TAB2: variants seen among roughly 807,000 people sequenced by gnomAD.
The protein encoded by TAB2 is TGF-beta-activated kinase 1 and MAP3K7-binding protein 2.
TAB2 carries 3 observed loss-of-function variants against 65.0 expected under a neutral mutation model. The ratio of observed to expected loss-of-function variants is 0.05; its 90% CI spans 0.02 to 0.12. The LOEUF (loss-of-function observed/expected upper bound fraction) is 0.12, where lower values mean the gene tolerates loss of function less well. Ranked by LOEUF, TAB2 falls within the 10% of genes least tolerant of loss-of-function variation. The pLI is 1.00. For synonymous variants in TAB2, 298 were observed against 285.1 expected (o/e 1.05, Z -0.46); for missense variants, 623 against 840.3 (o/e 0.74, Z 3.20).
Position 149,379,481 on chromosome 6 carries a change from A to G in TAB2, c.1566A>G (p.Lys522=), listed in dbSNP as rs1049922572. Residue 522 remains lysine (K), a synonymous_variant, in exon 3 of 7, where the codon AAA becomes AAG. Transcript: ENST00000637181. The part of the protein sequence containing the change: ...AHVDRISETR[K]LSMGSDDAAY... ...TGGATAGAATAAGTGAAACACGGAA[A>G]CTGAGTATGGGATCTGATGATGCTG... is the stretch of plus-strand genomic sequence containing the variant. 6.2e-7 allele frequency: 1 copy of G among 1,614,160 alleles called. No individual in the cohort carries two copies. The highest frequency in any genetic ancestry group is 8.5e-7 in the Non-Finnish European group (1 of 1,180,016).
chr6:149,269,694 G>A (rs1778325038), intron 1 of TAB2, among the ~76,000 whole-genome samples: 1 of 152,198 alleles, frequency 6.6e-6, no homozygotes, highest in African/African-American at 2.4e-5. Context: ...TTCATAAGGT[G>A]AAATCATACA....
chr6:149,384,531 T>C (rs770743330), intron 3 of TAB2, among the ~76,000 whole-genome samples: 2 of 152,096 alleles, frequency 1.3e-5, no homozygotes, highest in Non-Finnish European at 2.9e-5. Context: ...CAAATTAAGG[T>C]TGGAGAGAAA....
chr6:149,274,366 T>G (rs1378914803), intron 1 of TAB2, among the ~76,000 whole-genome samples: 1 of 152,264 alleles, frequency 6.6e-6, no homozygotes, highest in Non-Finnish European at 1.5e-5. Flanking sequence ...TCCATAACTC[T>G]AATTGAAAGC....
chr6:149,339,519 A>C (rs1292441950), intron 1 of TAB2, among the ~76,000 whole-genome samples: 1 of 152,192 alleles, frequency 6.6e-6, no homozygotes, highest in Non-Finnish European at 1.5e-5. Context: ...CATATAAGTA[A>C]ACTCTCTTAG....
chr6:149,409,685 G>A lies in TAB2; in HGVS notation c.2048G>A (p.Arg683His), dbSNP rs762446750. The change falls in exon 7 of 7, where the codon CGC (arginine) becomes CAC (histidine). Residue 683 changes from arginine (R) to histidine (H), a missense_variant. Arg to His is a conservative substitution (Grantham distance 29, BLOSUM62 0). Coordinates refer to ENST00000637181, the MANE Select transcript of TAB2 (RefSeq NM_001292034.3). ...TTTTTGAACCATCCAGCCTTAATTC[G>A]CTGTGAACAGTGTGAGATGCCAAGG... ...CTFLNHPALI[R>H]CEQCEMPRHF The A allele has an allele frequency of 9.9e-6, 16 of 1,614,104 alleles. No homozygotes were observed. Among genetic ancestry groups the A allele is most frequent in the African/African-American group, 2.7e-5 (2 of 75,038 alleles).
At chr6:149,403,668 G>A (rs574403426) in intron 6 of TAB2, among the ~76,000 whole-genome samples, 3 of 151,946 alleles carry the variant, frequency 2.0e-5, no homozygotes, top group Non-Finnish European at 4.4e-5. Flanking sequence ...TATAGGAAGC[G>A]TGTCACTGAC....
intron 1 of TAB2, among the ~76,000 whole-genome samples, chr6:149,318,309 C>T (rs1227050280): frequency 1.3e-5 from 2 of 151,760 alleles, no homozygotes; most frequent in Non-Finnish European, 1.5e-5. Flanking sequence ...AATCGAGCGC[C>T]TAGGAGAGCC....
rs56106227 is a variant in TAB2 at position 149,255,735 on chromosome 6, T to C, written c.-121+36959T>C. On this transcript the variant is annotated intron_variant, in intron 1 of 1. Transcript: ENST00000606202. ...TCAATGGGCCTTGATGTTTAACATA[T>C]ATTTACACAAAATTGCTATGTATAT... Among the ~76,000 whole-genome samples, 782 of 152,348 alleles carry C rather than the reference T, an allele frequency of 5.1e-3. 4 individuals carry two copies. Among genetic ancestry groups the C allele is most frequent in the Non-Finnish European group, 8.3e-3 (567 of 68,022 alleles).
At chr6:149,379,556 T>C (rs1781541577) in intron 3 of TAB2, 38 bp downstream of exon 3, 4 of 1,600,286 alleles carry the variant, frequency 2.5e-6, no homozygotes, top group African/African-American at 1.3e-5. Flanking sequence ...TTTTCCATGC[T>C]GGGCTTGTTG....
intron 1 of TAB2, among the ~76,000 whole-genome samples, chr6:149,329,440 A>G (rs1239044479): frequency 1.3e-5 from 2 of 152,196 alleles, no homozygotes; most frequent in African/African-American, 2.4e-5. Context: ...CAGGGTTGCA[A>G]CAGGTGAGGA....
chr6:149,400,327 C>G, intron 6 of TAB2: 1 of 1,549,496 alleles, frequency 6.5e-7, no homozygotes. Flanking sequence ...TGCTCGTGTA[C>G]TCGTTAGGTG....
At position 149,372,131 on chromosome 6, in the gene TAB2, G is replaced by A. The variant is rs9322178; in HGVS notation, c.102+2032G>A. Among the ~76,000 whole-genome samples the A allele has an allele frequency of 4.6e-3, 698 of 151,910 alleles. 4 individuals are homozygous for A. Among genetic ancestry groups the A allele is most frequent in the African/African-American group, 0.016 (668 of 41,434 alleles). Reference sequence around the variant, plus strand: ...ACAGGTATAGAGATTTTGAAATACCGTAACTGGGAGTAAAACATAGAGCCT... The same window carrying A: ...ACAGGTATAGAGATTTTGAAATACCATAACTGGGAGTAAAACATAGAGCCT... On this transcript the variant is annotated intron_variant, in intron 2 of 6. Coordinates refer to ENST00000637181, the MANE Select transcript of TAB2 (RefSeq NM_001292034.3).
At chr6:149,364,748 C>G (rs1177357632) in intron 1 of TAB2, among the ~76,000 whole-genome samples, 1 of 149,618 alleles carries the variant, frequency 6.7e-6, no homozygotes, top group African/African-American at 2.5e-5. Context: ...ACCTATATAT[C>G]CAGTTGCATT....
At chr6:149,239,518 G>A (rs1278105467) in intron 1 of TAB2, among the ~76,000 whole-genome samples, 1 of 152,226 alleles carries the variant, frequency 6.6e-6, no homozygotes, top group Non-Finnish European at 1.5e-5. Context: ...CTTTCCACAA[G>A]AAAAGCATAT....
At chr6:149,403,247 A>AATATATAT (rs71010865) in intron 6 of TAB2, among the ~76,000 whole-genome samples, 89 of 43,986 alleles carry the variant, frequency 2.0e-3, no homozygotes, top group Non-Finnish European at 2.6e-3. Flanking sequence ...AAAAAAAAAA[A>AATATATAT]ATATATATAT....
chr6:149,248,878 A>T (rs1177351947), intron 1 of TAB2, among the ~76,000 whole-genome samples: 1 of 151,996 alleles, frequency 6.6e-6, no homozygotes, highest in African/African-American at 2.4e-5. Context: ...CCCCGGCCAC[A>T]GTCACTGCTA....
At chr6:149,283,840 A>G (rs1344867933) in intron 1 of TAB2, among the ~76,000 whole-genome samples, 1 of 152,180 alleles carries the variant, frequency 6.6e-6, no homozygotes, top group African/African-American at 2.4e-5. Context: ...ACATGTGTGT[A>G]TTACTTTAAT....
intron 2 of TAB2, among the ~76,000 whole-genome samples, chr6:149,370,794 T>C (rs1781198663): frequency 6.6e-6 from 1 of 152,060 alleles, no homozygotes; most frequent in Admixed American, 6.6e-5. Context: ...GGCCATGTGC[T>C]GTGACTCACT....
intron 1 of TAB2, among the ~76,000 whole-genome samples, chr6:149,319,229 A>C (rs1175930668): frequency 6.6e-6 from 1 of 152,242 alleles, no homozygotes; most frequent in African/African-American, 2.4e-5. Flanking sequence ...TTTAGTGGGC[A>C]TGGAATAGAA....
Sources: gnomAD v4.1 joint callset for allele counts (sites outside exome capture counted in the v4.1 genomes callset) on GRCh38, gnomAD v4.1.1 for gene constraint, MANE v1.5 for transcripts, NCBI Gene and HGNC (gene_info 2026-07-23, HGNC 2026-07-21) for gene names.